Variants in TGFA observed in about 807,000 individuals in gnomAD.
The protein encoded by TGFA is protransforming growth factor alpha.
In TGFA, 12 loss-of-function variants were observed where a neutral mutation model predicts 21.7. The ratio of observed to expected loss-of-function variants is 0.55; its 90% CI spans 0.35 to 0.90. TGFA has a LOEUF of 0.90. Among genes scored for constraint, TGFA ranks in the 40% least tolerant of loss-of-function variants. The probability of loss-of-function intolerance (pLI) is 0.01; values close to 1 mark genes in which losing one functional copy is unlikely to be tolerated. For synonymous variants in TGFA, 79 were observed against 88.1 expected (o/e 0.90, Z 0.58); for missense variants, 178 against 210.8 (o/e 0.84, Z 0.96).
chr2:70,512,094 C>T (rs1400022974), intron 2 of TGFA, among the ~76,000 whole-genome samples: 1 of 152,012 alleles, frequency 6.6e-6, no homozygotes, highest in African/African-American at 2.4e-5. Flanking sequence ...AGGAAGGACA[C>T]CCTAAAGGAA....
At chr2:70,456,568 A>G in intron 3 of TGFA, 80 bp from the exon 4 acceptor site, 1 of 1,486,836 alleles carries the variant, frequency 6.7e-7, no homozygotes, top group Non-Finnish European at 9.1e-7. Flanking sequence ...GCTTTCCTGG[A>G]GGGACCCAGA....
chr2:70,541,784 A>T (rs185712822), intron 1 of TGFA, among the ~76,000 whole-genome samples: 11 of 152,230 alleles, frequency 7.2e-5, no homozygotes, highest in African/African-American at 2.4e-4. Context: ...TTTACCTCAC[A>T]TTCCTAAAAA....
chr2:70,450,722 A>G lies in TGFA; in HGVS notation c.*137T>C. On this transcript the variant is annotated 3_prime_UTR_variant, in exon 6 of 6. Transcript: ENST00000295400. ...CTTGACAGAGTTTTGAAGGCCCACAAAAGGCTGCACAGGTGATTACAGGCC... is the reference window on the plus strand; with the variant it reads ...CTTGACAGAGTTTTGAAGGCCCACAGAAGGCTGCACAGGTGATTACAGGCC... 1 of 947,528 alleles carries G rather than the reference A, an allele frequency of 1.1e-6. No individual in the cohort carries two copies. Among genetic ancestry groups the G allele is most frequent in the South Asian group, 1.5e-5 (1 of 65,406 alleles). The allele number at this position is 947,528 out of a possible 1,614,324, so 58.7% of individuals were successfully genotyped here.
intron 5 of TGFA, among the ~76,000 whole-genome samples, chr2:70,452,532 A>G (rs1244670611): frequency 6.6e-6 from 1 of 152,226 alleles, no homozygotes; most frequent in Admixed American, 6.5e-5. Context: ...AGGGGAAGTG[A>G]CTTTCTCAAG....
chr2:70,480,633 C>T lies in TGFA; in HGVS notation c.95-14897G>A, dbSNP rs546588232. On this transcript the variant is annotated intron_variant, in intron 2 of 5. Transcript: ENST00000295400. ...CAATATAACAGTGCCTCGCCACCCC[C>T]ACCAACCACTTAAAAAGTTTCTCCA... 1.5e-3 allele frequency among the ~76,000 whole-genome samples: 232 copies of T among 152,214 alleles called. 2 individuals carry two copies. The highest frequency in any genetic ancestry group is 5.4e-3 in the African/African-American group (225 of 41,514).
chr2:70,456,260 T>C, intron 4 of TGFA, 79 bp downstream of exon 4: 1 of 1,476,408 alleles, frequency 6.8e-7, no homozygotes, highest in African/African-American at 1.4e-5. Context: ...GAGGTGGCCC[T>C]GTTATCTGGA....
In TGFA at chr2:70,490,963, C is replaced by A. The variant is rs570510374; in HGVS notation, c.94+23896G>T. The stretch of plus-strand genomic sequence containing the variant: ...GAAAAATAGAAAGTGGCTCTTGGTT[C>A]AGGTTTCCCCAAGCAGATCAGGTTT... On this transcript the variant is annotated intron_variant, in intron 2 of 5. Coordinates refer to ENST00000295400, the MANE Select transcript of TGFA (RefSeq NM_003236.4). Among the ~76,000 whole-genome samples, 5 of 152,226 alleles carry A rather than the reference C, an allele frequency of 3.3e-5. No individual in the cohort carries two copies. The East Asian group carries it at 5.8e-4, about 18-fold the overall frequency.
At chr2:70,490,686 T>C (rs1268732219) in intron 2 of TGFA, among the ~76,000 whole-genome samples, 2 of 152,222 alleles carry the variant, frequency 1.3e-5, no homozygotes, top group African/African-American at 4.8e-5. Context: ...GGGGTATGAA[T>C]TGGTCTCTCT....
chr2:70,501,685 A>G (rs1409085588), intron 2 of TGFA, among the ~76,000 whole-genome samples: 1 of 152,126 alleles, frequency 6.6e-6, no homozygotes, highest in Non-Finnish European at 1.5e-5. Flanking sequence ...TAGTTCCCCA[A>G]TTAGGTATAC....
intron 2 of TGFA, among the ~76,000 whole-genome samples, chr2:70,479,749 G>A (rs1553495082): frequency 6.6e-6 from 1 of 151,752 alleles, no homozygotes; most frequent in Non-Finnish European, 1.5e-5. Flanking sequence ...CTGCTCATTA[G>A]TGTATTATGG....
chr2:70,478,136 G>A (rs1168471444), intron 2 of TGFA, among the ~76,000 whole-genome samples: 3 of 152,168 alleles, frequency 2.0e-5, no homozygotes, highest in African/African-American at 7.2e-5. Context: ...GGATCAGGTC[G>A]ACCTTCACAA....
At chr2:70,525,329 G>A (rs1672601064) in intron 1 of TGFA, among the ~76,000 whole-genome samples, 1 of 152,158 alleles carries the variant, frequency 6.6e-6, no homozygotes, top group African/African-American at 2.4e-5. Flanking sequence ...CATCAGCCTG[G>A]AAGTAGGGGA....
chr2:70,526,930 G>C (rs1450774697), intron 1 of TGFA, among the ~76,000 whole-genome samples: 1 of 152,208 alleles, frequency 6.6e-6, no homozygotes, highest in Non-Finnish European at 1.5e-5. Flanking sequence ...GTTACTAACA[G>C]TTAGTGTATT....
At chr2:70,454,595 G>A (rs376920456) in intron 4 of TGFA, among the ~76,000 whole-genome samples, 29 of 152,292 alleles carry the variant, frequency 1.9e-4, no homozygotes, top group East Asian at 5.8e-4. Context: ...GAGCATCCCC[G>A]GGCAATGGGA....
At chr2:70,503,887 A>C (rs1671817923) in intron 2 of TGFA, among the ~76,000 whole-genome samples, 1 of 152,156 alleles carries the variant, frequency 6.6e-6, no homozygotes, top group South Asian at 2.1e-4. Flanking sequence ...AAGGAGAGGG[A>C]AGACTGCGTT....
At chr2:70,535,758 C>G (rs1167290914) in intron 1 of TGFA, among the ~76,000 whole-genome samples, 1 of 152,196 alleles carries the variant, frequency 6.6e-6, no homozygotes, top group Non-Finnish European at 1.5e-5. Flanking sequence ...AGACACTTCA[C>G]AAGAAAATAA....
At chr2:70,499,495 A>T (rs1304842774) in intron 2 of TGFA, among the ~76,000 whole-genome samples, 5 of 152,208 alleles carry the variant, frequency 3.3e-5, no homozygotes, top group African/African-American at 1.2e-4. Flanking sequence ...CTCCTGACTG[A>T]ACCTTTTAGT....
chr2:70,553,261 T>C (rs1673571893), intron 1 of TGFA: 1 of 1,535,982 alleles, frequency 6.5e-7, no homozygotes, highest in Non-Finnish European at 8.7e-7. Flanking sequence ...TCGCTGGGGC[T>C]TAGAGGTGGG....
intron 1 of TGFA, among the ~76,000 whole-genome samples, chr2:70,518,035 A>G (rs782574106): frequency 3.3e-5 from 5 of 152,214 alleles, no homozygotes; most frequent in Admixed American, 6.5e-5. Flanking sequence ...GGTCACTCCA[A>G]ACAAAGGAAG....
Sources: gnomAD v4.1 joint callset for allele counts (sites outside exome capture counted in the v4.1 genomes callset) on GRCh38, gnomAD v4.1.1 for gene constraint, MANE v1.5 for transcripts, NCBI Gene and HGNC (gene_info 2026-07-23, HGNC 2026-07-21) for gene names.